ATXN7L1: variants seen among roughly 807,000 people sequenced by gnomAD.
ATXN7L1 encodes ataxin 7 like 1, also known as ataxin-7-like protein 1.
ATXN7L1 carries 15 observed loss-of-function variants against 70.8 expected under a neutral mutation model. That is an observed-to-expected ratio of 0.21 (90% CI 0.14 to 0.33). The LOEUF is 0.33. Ranked by LOEUF, ATXN7L1 falls within the 10% of genes least tolerant of loss-of-function variation. ATXN7L1 has a pLI of 1.00. For synonymous variants in ATXN7L1, 440 were observed against 445.1 expected, an observed-to-expected ratio of 0.99 and a Z score of 0.14; for missense variants, 975 against 1,097.1, an observed-to-expected ratio of 0.89 and a Z score of 1.57.
intron 3 of ATXN7L1, among the ~76,000 whole-genome samples, chr7:105,751,509 G>A (rs1451419548): frequency 6.6e-6 from 1 of 152,106 alleles, no homozygotes; most frequent in African/African-American, 2.4e-5. Context: ...GGTGGTGCAT[G>A]CCTGTAGTTC....
chr7:105,834,162 C>T (rs1012034741), intron 2 of ATXN7L1, among the ~76,000 whole-genome samples: 1 of 152,242 alleles, frequency 6.6e-6, no homozygotes, highest in Non-Finnish European at 1.5e-5. Context: ...CCTGCCTCAG[C>T]CTCCCAAGTA....
intron 3 of ATXN7L1, among the ~76,000 whole-genome samples, chr7:105,682,789 G>A (rs1805702711): frequency 6.6e-6 from 1 of 152,200 alleles, no homozygotes; most frequent in Admixed American, 6.5e-5. Context: ...TATGTGGTGG[G>A]GGAGGGGGAA....
chr7:105,805,668 A>G (rs571645952), intron 2 of ATXN7L1, among the ~76,000 whole-genome samples: 14 of 152,342 alleles, frequency 9.2e-5, no homozygotes, highest in Admixed American at 7.8e-4. Context: ...GGCAGAGGGC[A>G]GGGAGAGCTT....
intron 4 of ATXN7L1, among the ~76,000 whole-genome samples, chr7:105,659,513 G>A (rs1226851205): frequency 6.6e-6 from 1 of 152,164 alleles, no homozygotes; most frequent in Non-Finnish European, 1.5e-5. Flanking sequence ...AAAGAAAGGC[G>A]ATAGCATATC....
chr7:105,618,341 G>C (rs1794233177), intron 9 of ATXN7L1, among the ~76,000 whole-genome samples: 1 of 152,208 alleles, frequency 6.6e-6, no homozygotes, highest in Admixed American at 6.5e-5. Context: ...ATGGACACAA[G>C]TAAATATCAA....
chr7:105,609,644 TAG>T (rs1792979772), intron 11 of ATXN7L1, among the ~76,000 whole-genome samples: 1 of 151,652 alleles, frequency 6.6e-6, no homozygotes, highest in Admixed American at 6.6e-5. Flanking sequence ...AAAATTTTTG[TAG>T]AGATAGGGTC....
intron 4 of ATXN7L1, among the ~76,000 whole-genome samples, chr7:105,661,327 G>A (rs1195791028): frequency 6.6e-6 from 1 of 152,142 alleles, no homozygotes; most frequent in Non-Finnish European, 1.5e-5. Context: ...TAGAGATGGG[G>A]GGAAATCTGG....
Position 105,803,782 on chromosome 7 carries a change from TC to T in ATXN7L1, c.251-15075del, listed in dbSNP as rs368500166. Among the ~76,000 whole-genome samples the T allele has an allele frequency of 3.5e-4, 53 of 152,202 alleles. 1 individual carries two copies. Among genetic ancestry groups the T allele is most frequent in the African/African-American group, 1.3e-3 (52 of 41,462 alleles). On this transcript the variant is annotated intron_variant, in intron 2 of 11. Transcript: ENST00000419735. ...GGCCTAGACTTCCCTAATGGTAACT[TC>T]CCATAGGAACAGTCTATGATTTTAC...
rs370097360 is a variant in ATXN7L1 at position 105,875,629 on chromosome 7, C to CCA, written c.250+182_250+183insTG. Among the ~76,000 whole-genome samples the CCA allele has an allele frequency of 2.1e-4, 24 of 113,694 alleles. 4 individuals are homozygous for CCA. Among genetic ancestry groups the CCA allele is most frequent in the East Asian group, 3.0e-4 (1 of 3,310 alleles). 74.6% of individuals were successfully genotyped at this position (113,694 alleles called of 152,430 possible). On this transcript the variant is annotated intron_variant, in intron 2 of 11. Coordinates refer to ENST00000419735, the MANE Select transcript of ATXN7L1 (RefSeq NM_020725.2). Reference sequence around the variant, plus strand: ...CTTCAACAGTCTCACCCCCCTTTACCCCCCCCCCAGTTGTATTTATACTTT... The same window carrying CCA: ...CTTCAACAGTCTCACCCCCCTTTACCCACCCCCCCCAGTTGTATTTATACTTT...
intron 3 of ATXN7L1, among the ~76,000 whole-genome samples, chr7:105,745,588 G>A (rs1269731208): frequency 6.6e-6 from 1 of 152,154 alleles, no homozygotes; most frequent in Non-Finnish European, 1.5e-5. Context: ...ACCAGTTCCC[G>A]AGCTGCCCTG....
chr7:105,811,929 T>C (rs1808489386), intron 2 of ATXN7L1, among the ~76,000 whole-genome samples: 1 of 152,186 alleles, frequency 6.6e-6, no homozygotes, highest in Non-Finnish European at 1.5e-5. Flanking sequence ...GAGAGCCCAC[T>C]GAACAGACCA....
chr7:105,875,954 G>C, intron 1 of ATXN7L1, 74 bp from the exon 2 acceptor site: 2 of 1,294,062 alleles, frequency 1.5e-6, no homozygotes, highest in Non-Finnish European at 2.2e-6. Flanking sequence ...CAAGGGGGGA[G>C]GGAGAGTGTT....
intron 3 of ATXN7L1, among the ~76,000 whole-genome samples, chr7:105,716,665 GCACACACACACACACACACACACACACA>G (rs58217531): frequency 8.0e-6 from 1 of 125,524 alleles, no homozygotes; most frequent in Admixed American, 8.9e-5. Context: ...ACCTATCTCT[GCACACACACACACACACACACACACACA>G]CACACACACA....
intron 3 of ATXN7L1, among the ~76,000 whole-genome samples, chr7:105,689,645 C>T (rs575142723): frequency 6.4e-4 from 98 of 152,340 alleles, no homozygotes; most frequent in African/African-American, 2.0e-3. Flanking sequence ...CCCAACCAGA[C>T]ATACGGAGGA....
At chr7:105,682,187 T>A (rs1805636731) in intron 3 of ATXN7L1, among the ~76,000 whole-genome samples, 1 of 151,890 alleles carries the variant, frequency 6.6e-6, no homozygotes, top group Admixed American at 6.6e-5. Context: ...ATCACTGTAC[T>A]CCATCCAGCC....
chr7:105,867,400 A>G (rs912942214), intron 2 of ATXN7L1, among the ~76,000 whole-genome samples: 2 of 152,184 alleles, frequency 1.3e-5, no homozygotes, highest in Admixed American at 1.3e-4. Context: ...ATCGGGGGCC[A>G]CTGTATAATA....
intron 3 of ATXN7L1, among the ~76,000 whole-genome samples, chr7:105,781,691 T>C (rs1310864900): frequency 6.6e-6 from 1 of 152,268 alleles, no homozygotes. Flanking sequence ...GTTGTACCAC[T>C]GTGCTTTCCA....
At chr7:105,617,823 C>T (rs1446736724) in intron 9 of ATXN7L1, 5 of 406,610 alleles carry the variant, frequency 1.2e-5, no homozygotes, top group Non-Finnish European at 2.5e-5. Flanking sequence ...GTTGGCGGCT[C>T]CTGATGCAGA....
chr7:105,710,349 C>T (rs1205869508), intron 3 of ATXN7L1, among the ~76,000 whole-genome samples: 1 of 150,234 alleles, frequency 6.7e-6, no homozygotes, highest in African/African-American at 2.5e-5. Flanking sequence ...GCAAGCACGT[C>T]TTACTATGGA....
Sources: gnomAD v4.1 joint callset for allele counts (sites outside exome capture counted in the v4.1 genomes callset) on GRCh38, gnomAD v4.1.1 for gene constraint, MANE v1.5 for transcripts, NCBI Gene and HGNC (gene_info 2026-07-23, HGNC 2026-07-21) for gene names.